Variants in HACD2 observed in about 807,000 individuals in gnomAD.
HACD2 encodes the protein 3-hydroxyacyl-CoA dehydratase 2.
In HACD2, 15 loss-of-function variants were observed where a neutral mutation model predicts 31.0. The ratio of observed to expected loss-of-function variants is 0.48; its 90% confidence interval spans 0.32 to 0.75. The LOEUF is 0.75. HACD2 is among the 30% of genes least tolerant of loss of function. HACD2 has a pLI of 0.03. For synonymous variants in HACD2, 115 were observed against 122.2 expected, an observed-to-expected ratio of 0.94 and a Z score of 0.39; for missense variants, 283 against 313.0, an observed-to-expected ratio of 0.90 and a Z score of 0.72.
At chr3:123,584,629 G>A (rs978410336) in intron 1 of HACD2, 8 of 336,388 alleles carry the variant, frequency 2.4e-5, no homozygotes, top group Admixed American at 9.8e-5. Context: ...CCCGGCAGCC[G>A]TCCCCGCGCC....
At chr3:123,554,422 G>A (rs1410880837) in intron 3 of HACD2, among the ~76,000 whole-genome samples, 1 of 152,000 alleles carries the variant, frequency 6.6e-6, no homozygotes, top group Non-Finnish European at 1.5e-5. Context: ...GATCACTTGA[G>A]CCCAGGAGTC....
intron 3 of HACD2, among the ~76,000 whole-genome samples, chr3:123,545,440 C>T (rs969243966): frequency 4.0e-5 from 6 of 150,372 alleles, no homozygotes; most frequent in Non-Finnish European, 8.9e-5. Flanking sequence ...CAAGATCATG[C>T]CACTGCACTC....
chr3:123,516,230 CAT>C (rs1198296316), intron 4 of HACD2, among the ~76,000 whole-genome samples: 2 of 112,446 alleles, frequency 1.8e-5, no homozygotes, highest in African/African-American at 6.0e-5. Context: ...TAATGTGCAA[CAT>C]ATTTTTTTTT....
chr3:123,502,418 C>G lies in HACD2; in HGVS notation c.503+142G>C, dbSNP rs1176284791. On this transcript the variant is annotated intron_variant, in intron 5 of 6. Transcript: ENST00000383657. ...TCAAAGTTAAGTACAGACTCCTATT[C>G]TGATGAAATCTACAGACAAAATTTC... 5.2e-6 allele frequency: 4 copies of G among 765,892 alleles called. No homozygotes were observed. In the South Asian group the frequency reaches 5.8e-5, roughly 11 times the overall value. The allele number at this position is 765,892 out of a possible 1,614,324, so 47.4% of individuals were successfully genotyped here.
chr3:123,511,136 C>G (rs2056058195), intron 4 of HACD2, among the ~76,000 whole-genome samples: 1 of 151,888 alleles, frequency 6.6e-6, no homozygotes, highest in Admixed American at 6.6e-5. Context: ...TTTAGTATCT[C>G]TTTTTAATAT....
chr3:123,551,467 A>G lies in HACD2; in HGVS notation c.292+16295T>C, dbSNP rs2056619438. ...ATCCCCATCTCTACTAAAAAAAAAT[A>G]TATAAAAATTAGCCAGGCATGGTGG... On this transcript the variant is annotated intron_variant, in intron 3 of 6. Transcript: ENST00000383657. Among the ~76,000 whole-genome samples the G allele has an allele frequency of 2.6e-5, 4 of 151,902 alleles. No homozygotes were observed. The South Asian group carries it at 8.3e-4, about 32-fold the overall frequency.
chr3:123,574,129 A>T (rs551914006), intron 2 of HACD2, among the ~76,000 whole-genome samples: 1 of 152,356 alleles, frequency 6.6e-6, no homozygotes, highest in Non-Finnish European at 1.5e-5. Context: ...CATTTCTGCC[A>T]GCTTTTTACA....
chr3:123,530,123 A>C (rs2056339867), intron 3 of HACD2, among the ~76,000 whole-genome samples: 1 of 152,170 alleles, frequency 6.6e-6, no homozygotes, highest in Non-Finnish European at 1.5e-5. Flanking sequence ...GGGATTAATG[A>C]GGTTGAAGCA....
At chr3:123,560,928 T>A (rs2056721669) in intron 3 of HACD2, among the ~76,000 whole-genome samples, 1 of 152,194 alleles carries the variant, frequency 6.6e-6, no homozygotes. Context: ...TTTGGAGGAA[T>A]TCCCCCCTTC....
intron 4 of HACD2, among the ~76,000 whole-genome samples, chr3:123,506,114 T>A (rs1163742266): frequency 6.6e-6 from 1 of 152,214 alleles, no homozygotes; most frequent in Non-Finnish European, 1.5e-5. Flanking sequence ...GCTGAAATTA[T>A]TCTAGTTGGT....
chr3:123,515,004 A>G (rs141531988), intron 4 of HACD2, among the ~76,000 whole-genome samples: 1 of 152,352 alleles, frequency 6.6e-6, no homozygotes, highest in East Asian at 1.9e-4. Flanking sequence ...TTTGTCATTA[A>G]ATTTTTGGGG....
At chr3:123,550,252 T>C (rs2056605436) in intron 3 of HACD2, among the ~76,000 whole-genome samples, 1 of 151,916 alleles carries the variant, frequency 6.6e-6, no homozygotes, top group African/African-American at 2.4e-5. Context: ...TCAAATCCCC[T>C]AAAGGAAAAA....
intron 4 of HACD2, among the ~76,000 whole-genome samples, chr3:123,526,851 C>T (rs1022681414): frequency 3.9e-5 from 6 of 152,188 alleles, no homozygotes; most frequent in African/African-American, 1.4e-4. Flanking sequence ...AGCAACTTGA[C>T]TAATAGAATT....
chr3:123,538,253 T>C (rs776940390), intron 3 of HACD2, among the ~76,000 whole-genome samples: 3 of 152,198 alleles, frequency 2.0e-5, no homozygotes, highest in Non-Finnish European at 4.4e-5. Flanking sequence ...ACTTAGGTTA[T>C]TGGGTTCCGA....
chr3:123,509,457 T>C (rs1329219057), intron 4 of HACD2, among the ~76,000 whole-genome samples: 1 of 151,694 alleles, frequency 6.6e-6, no homozygotes, highest in Non-Finnish European at 1.5e-5. Context: ...CCAACCTCTG[T>C]TATAGATTCA....
intron 2 of HACD2, 37 bp from the exon 3 acceptor site, chr3:123,567,817 A>T: frequency 5.8e-6 from 8 of 1,375,704 alleles, no homozygotes; most frequent in Non-Finnish European, 7.9e-6. Context: ...GAGAATTAGT[A>T]AGAATCAAGA....
At chr3:123,528,543 A>C in intron 3 of HACD2, 69 bp from the exon 4 acceptor site, 1 of 960,370 alleles carries the variant, frequency 1.0e-6, no homozygotes, top group Non-Finnish European at 1.7e-6. Context: ...ATATTTTCTA[A>C]AACATTCCAA....
chr3:123,537,484 G>A (rs1437238113), intron 3 of HACD2, among the ~76,000 whole-genome samples: 1 of 151,774 alleles, frequency 6.6e-6, no homozygotes, highest in African/African-American at 2.4e-5. Flanking sequence ...AGGAACGCTT[G>A]AACCAGGAGT....
intron 3 of HACD2, among the ~76,000 whole-genome samples, chr3:123,535,551 C>T (rs1389676936): frequency 6.6e-6 from 1 of 152,194 alleles, no homozygotes; most frequent in Non-Finnish European, 1.5e-5. Context: ...ACAGTCTCTT[C>T]CCCCAAAAGT....
Sources: allele counts gnomAD v4.1 joint callset (sites outside exome capture counted in the v4.1 genomes callset), GRCh38; gene constraint gnomAD v4.1.1; transcripts MANE v1.5; gene names NCBI Gene and HGNC (gene_info 2026-07-23, HGNC 2026-07-21).